The following CTNNA3 variants were observed in gnomAD, a reference collection of about 807,000 sequenced individuals.
The protein encoded by CTNNA3 is catenin alpha 3.
In CTNNA3, 76 loss-of-function variants were observed where a neutral mutation model predicts 95.7. The ratio of observed to expected loss-of-function variants is 0.79; its 90% CI spans 0.66 to 0.96. The LOEUF is 0.96. Ranked by LOEUF, CTNNA3 falls within the 40% of genes least tolerant of loss-of-function variation. The pLI, the probability that CTNNA3 is intolerant of heterozygous loss-of-function variation, is 0.00. For synonymous variants in CTNNA3, 431 were observed against 374.4 expected, an observed-to-expected ratio of 1.15 and a Z score of -1.74; for missense variants, 1,191 against 1,089.8, an observed-to-expected ratio of 1.09 and a Z score of -1.31.
chr10:66,370,887 T>C (rs188163035), intron 12 of CTNNA3, among the ~76,000 whole-genome samples: 2 of 152,168 alleles, frequency 1.3e-5, no homozygotes, highest in Non-Finnish European at 2.9e-5. Context: ...CATTTTTTAA[T>C]TACTATTTTC....
At chr10:67,400,047 C>A (rs1169660779) in intron 5 of CTNNA3, among the ~76,000 whole-genome samples, 1 of 151,966 alleles carries the variant, frequency 6.6e-6, no homozygotes, top group East Asian at 1.9e-4. Context: ...TTAGGTATAT[C>A]TCCTAATGCT....
chr10:66,450,671 C>T (rs2093457667), intron 11 of CTNNA3, among the ~76,000 whole-genome samples: 1 of 152,026 alleles, frequency 6.6e-6, no homozygotes, highest in Non-Finnish European at 1.5e-5. Flanking sequence ...CAAGGAAGAA[C>T]TAGCAATAGA....
intron 7 of CTNNA3, among the ~76,000 whole-genome samples, chr10:66,945,672 T>G (rs1432544030): frequency 2.0e-5 from 3 of 152,226 alleles, no homozygotes; most frequent in Non-Finnish European, 4.4e-5. Context: ...GCTTTCAACC[T>G]ATTTCAGCTT....
chr10:66,087,754 C>A (rs1459733457), intron 14 of CTNNA3, among the ~76,000 whole-genome samples: 1 of 152,100 alleles, frequency 6.6e-6, no homozygotes, highest in African/African-American at 2.4e-5. Context: ...TCACTAAAAT[C>A]TATTCTGCAA....
chr10:67,701,094 C>T (rs967787784), upstream of CTNNA3, among the ~76,000 whole-genome samples: 41 of 151,984 alleles, frequency 2.7e-4, no homozygotes, highest in East Asian at 1.2e-3. Context: ...TAAAAAGAAA[C>T]GAAAAAGCCT....
chr10:66,903,885 A>G (rs1845867177), intron 7 of CTNNA3, among the ~76,000 whole-genome samples: 1 of 152,184 alleles, frequency 6.6e-6, no homozygotes, highest in African/African-American at 2.4e-5. Context: ...AACAGGACAC[A>G]AACAAATGGA....
intron 7 of CTNNA3, among the ~76,000 whole-genome samples, chr10:67,020,490 A>G (rs1200112558): frequency 2.0e-5 from 3 of 152,182 alleles, no homozygotes; most frequent in Non-Finnish European, 4.4e-5. Flanking sequence ...TACAGAGTCT[A>G]ACAATTTATC....
chr10:67,072,931 T>C (rs889972054), intron 7 of CTNNA3, among the ~76,000 whole-genome samples: 2 of 121,216 alleles, frequency 1.6e-5, no homozygotes, highest in South Asian at 5.4e-4. Context: ...CAAACATCCC[T>C]TGGAGAAAGA....
At chr10:67,243,299 T>C (rs1865786215) in intron 5 of CTNNA3, among the ~76,000 whole-genome samples, 1 of 152,126 alleles carries the variant, frequency 6.6e-6, no homozygotes, top group African/African-American at 2.4e-5. Context: ...GTAAGGTCTA[T>C]TATTACACTC....
At chr10:66,120,070 G>T (rs1472227010) in intron 13 of CTNNA3, among the ~76,000 whole-genome samples, 1 of 152,096 alleles carries the variant, frequency 6.6e-6, no homozygotes, top group African/African-American at 2.4e-5. Flanking sequence ...TTATAACTCA[G>T]CTCAGAGCAC....
At chr10:67,593,695 G>A (rs529757071) in intron 3 of CTNNA3, among the ~76,000 whole-genome samples, 4 of 152,170 alleles carry the variant, frequency 2.6e-5, no homozygotes, top group South Asian at 2.1e-4. Flanking sequence ...GGCTTAAATC[G>A]TCTGCAAAGA....
At chr10:67,489,805 T>TATATATATATATATACAC (rs927605119) in intron 5 of CTNNA3, among the ~76,000 whole-genome samples, 11 of 148,952 alleles carry the variant, frequency 7.4e-5, no homozygotes, top group African/African-American at 2.7e-4. Context: ...TATATATATA[T>TATATATATATATATACAC]ACACACATTA....
intron 11 of CTNNA3, among the ~76,000 whole-genome samples, chr10:66,446,193 A>T (rs1267617184): frequency 1.3e-5 from 2 of 152,200 alleles, no homozygotes; most frequent in Non-Finnish European, 2.9e-5. Context: ...TAGCTTACAA[A>T]CCAAAAAAAG....
At chr10:67,139,293 CG>C (rs1564917999) in intron 7 of CTNNA3, among the ~76,000 whole-genome samples, 2 of 138,672 alleles carry the variant, frequency 1.4e-5, no homozygotes, top group Admixed American at 1.5e-4. Flanking sequence ...CCACCACGCC[CG>C]GCTAATTTTT....
chr10:66,049,786 C>G (rs1239267182), intron 15 of CTNNA3, among the ~76,000 whole-genome samples: 1 of 141,146 alleles, frequency 7.1e-6, no homozygotes, highest in Non-Finnish European at 1.6e-5. Context: ...ACATTAGCAT[C>G]TACTTGAGGG....
intron 5 of CTNNA3, among the ~76,000 whole-genome samples, chr10:67,393,060 A>G (rs1425939654): frequency 7.0e-6 from 1 of 143,742 alleles, no homozygotes; most frequent in Admixed American, 6.8e-5. Context: ...GTATAATAAT[A>G]AAAAAAAAAT....
chr10:66,421,611 G>C (rs961978302), intron 11 of CTNNA3, among the ~76,000 whole-genome samples: 2 of 151,746 alleles, frequency 1.3e-5, no homozygotes, highest in Admixed American at 1.3e-4. Flanking sequence ...TTGGGAGGCA[G>C]ATAATGAGGT....
intron 7 of CTNNA3, among the ~76,000 whole-genome samples, chr10:66,963,669 G>T (rs1849244954): frequency 1.3e-5 from 2 of 151,788 alleles, no homozygotes; most frequent in African/African-American, 4.8e-5. Flanking sequence ...AGGTATAGAG[G>T]GCATGTCGAA....
chr10:66,097,086 A>G (rs1287195539), intron 14 of CTNNA3, among the ~76,000 whole-genome samples: 1 of 152,202 alleles, frequency 6.6e-6, no homozygotes, highest in Non-Finnish European at 1.5e-5. Flanking sequence ...AGATTTACAT[A>G]AACTTGCTGG....
Sources: allele counts gnomAD v4.1 joint callset (sites outside exome capture counted in the v4.1 genomes callset), GRCh38; gene constraint gnomAD v4.1.1; transcripts MANE v1.5; gene names NCBI Gene and HGNC (gene_info 2026-07-23, HGNC 2026-07-21).